The following PTCHD4 variants were observed in gnomAD, a reference collection of about 807,000 sequenced individuals.
The protein encoded by PTCHD4 is patched domain containing 4, also known as patched domain-containing protein 4.
In PTCHD4, 33 loss-of-function variants were observed where a neutral mutation model predicts 58.1. The observed-to-expected ratio is 0.57, with a 90% CI of 0.43 to 0.76. PTCHD4 has a LOEUF of 0.76. Among genes scored for constraint, PTCHD4 ranks in the 30% least tolerant of loss-of-function variants. The pLI is 0.00. For missense variants in PTCHD4, 1,058 were observed against 1,027.1 expected (o/e 1.03, Z -0.41); for synonymous variants, 478 against 409.6 (o/e 1.17, Z -2.02).
At chr6:48,071,799 T>C (rs1466972286) in intron 1 of PTCHD4, among the ~76,000 whole-genome samples, 1 of 152,214 alleles carries the variant, frequency 6.6e-6, no homozygotes, top group Non-Finnish European at 1.5e-5. Flanking sequence ...CCCTTTAGGC[T>C]ATGACAGTTT....
intron 4 of PTCHD4, among the ~76,000 whole-genome samples, chr6:47,973,459 T>C (rs1007068763): frequency 2.0e-5 from 3 of 152,194 alleles, no homozygotes; most frequent in Non-Finnish European, 4.4e-5. Context: ...GCTGGAGATA[T>C]AATCAAGGCA....
rs1374710777 is a variant in PTCHD4 at position 47,864,114 on chromosome 6, G to C, written c.*14189C>G. Among the ~76,000 whole-genome samples the C allele has an allele frequency of 6.6e-6, 1 of 151,870 alleles. No individual in the cohort carries two copies. Among genetic ancestry groups the C allele is most frequent in the Non-Finnish European group, 1.5e-5 (1 of 67,892 alleles). On this transcript the variant is annotated 3_prime_UTR_variant, in exon 5 of 5. Transcript: ENST00000339488. ...TTCAAAGTCCAAGTGTGGTTCCTCA[G>C]ACTAGTAGCATTAGCATCACCTGAA...
chr6:48,093,753 G>C (rs1003834485), intron 1 of PTCHD4, among the ~76,000 whole-genome samples: 8 of 152,052 alleles, frequency 5.3e-5, no homozygotes, highest in Middle Eastern at 3.4e-3. Context: ...AAAAAATGGC[G>C]AGGAAAAGAA....
At chr6:48,043,010 A>C (rs1252432827) in intron 3 of PTCHD4, among the ~76,000 whole-genome samples, 1 of 151,846 alleles carries the variant, frequency 6.6e-6, no homozygotes, top group Admixed American at 6.6e-5. Context: ...ATCAAACGTA[A>C]TCTGTTGGAT....
chr6:48,068,598 GC>G lies in PTCHD4; in HGVS notation c.48del (p.Arg17GlyfsTer19). ...APASWIWWRM[L>X]RQVLRRGLQS... ...TGGAGCCCTCTGCGAAGCACCTGCC[GC>G]AGCATCCTCCACCAGATCCAGCTCG... is the stretch of plus-strand genomic sequence containing the variant. On this transcript the variant is annotated frameshift_variant, in exon 3 of 5. Transcript: ENST00000339488. LOFTEE classifies it high-confidence loss of function. This position sits in a 1 kb window ranked among gnomAD's most constrained non-coding sequence, Gnocchi z 4.2. 6.3e-7 allele frequency: 1 copy of G among 1,577,656 alleles called. No individual in the cohort carries two copies. Among genetic ancestry groups the G allele is most frequent in the Non-Finnish European group, 8.6e-7 (1 of 1,166,060 alleles).
chr6:48,027,210 G>C (rs976711842), intron 3 of PTCHD4, among the ~76,000 whole-genome samples: 25 of 151,934 alleles, frequency 1.6e-4, no homozygotes, highest in African/African-American at 6.0e-4. Flanking sequence ...ATTCAAATTG[G>C]CTAAGAGATA....
chr6:47,898,311 T>C (rs1463939975), intron 4 of PTCHD4, among the ~76,000 whole-genome samples: 3 of 152,178 alleles, frequency 2.0e-5, no homozygotes, highest in Non-Finnish European at 4.4e-5. Flanking sequence ...CATAATCCTG[T>C]CTCTAAAATT....
At chr6:48,013,869 T>G (rs1201965570) in intron 3 of PTCHD4, among the ~76,000 whole-genome samples, 11 of 152,146 alleles carry the variant, frequency 7.2e-5, no homozygotes, top group Non-Finnish European at 1.5e-5. Context: ...ATTCATCTCT[T>G]GGGGCTCATT....
Position 48,008,958 on chromosome 6 carries a change from C to T in PTCHD4, c.574G>A (p.Glu192Lys). 6.2e-7 allele frequency: 1 copy of T among 1,613,980 alleles called. No homozygotes were observed. Among genetic ancestry groups the T allele is most frequent in the Non-Finnish European group, 8.5e-7 (1 of 1,179,882 alleles). The change falls in exon 4 of 5, where the codon GAG becomes AAG. Residue 192 changes from glutamate (E) to lysine (K), a missense_variant. Transcript: ENST00000339488. Reference protein sequence around the residue: ...ATQDLIGEKWENEFCKLIRKL... With the variant: ...ATQDLIGEKWKNEFCKLIRKL... ...CTTATAAGCTTACAGAACTCATTCT[C>T]CCACTTCTCCCCTATGAGGTCTTGG...
intron 3 of PTCHD4, among the ~76,000 whole-genome samples, chr6:48,051,037 A>G (rs1380385161): frequency 1.3e-5 from 2 of 152,018 alleles, no homozygotes; most frequent in East Asian, 3.9e-4. Flanking sequence ...GAGTCCTACA[A>G]TTTGTAGATG....
chr6:47,874,457 T>C lies in PTCHD4; in HGVS notation c.*3846A>G, dbSNP rs1763795028. 6.6e-6 allele frequency among the ~76,000 whole-genome samples: 1 copy of C among 151,774 alleles called. No individual in the cohort carries two copies. Among genetic ancestry groups the C allele is most frequent in the African/African-American group, 2.4e-5 (1 of 41,394 alleles). On this transcript the variant is annotated 3_prime_UTR_variant, in exon 5 of 5. Coordinates refer to ENST00000339488, the MANE Select transcript of PTCHD4 (RefSeq NM_001384253.1). ...ATTTGGTCATAAAAATATGTGACTGTAATTATGATATTTACAGTCAACTTA... is the reference window on the plus strand; with the variant it reads ...ATTTGGTCATAAAAATATGTGACTGCAATTATGATATTTACAGTCAACTTA...
At chr6:47,992,465 G>A (rs183611148) in intron 4 of PTCHD4, among the ~76,000 whole-genome samples, 37 of 152,280 alleles carry the variant, frequency 2.4e-4, no homozygotes, top group Admixed American at 2.3e-3. Context: ...GAGGTTTCTG[G>A]AATGCTGGTA....
chr6:48,032,050 T>G (rs1044677706), intron 3 of PTCHD4, among the ~76,000 whole-genome samples: 1 of 126,886 alleles, frequency 7.9e-6, no homozygotes, highest in Admixed American at 8.6e-5. Context: ...GTCCTTGACA[T>G]GGCTATTCTC....
intron 4 of PTCHD4, among the ~76,000 whole-genome samples, chr6:47,999,126 A>T (rs1277114658): frequency 2.0e-5 from 3 of 152,164 alleles, no homozygotes; most frequent in Non-Finnish European, 4.4e-5. Context: ...TAAATGATTC[A>T]CTCATTAAAG....
chr6:47,968,329 A>G (rs986207525), intron 4 of PTCHD4, among the ~76,000 whole-genome samples: 5 of 152,220 alleles, frequency 3.3e-5, no homozygotes, highest in Admixed American at 6.5e-5. Context: ...AACAATTACA[A>G]TAGTAACATC....
chr6:47,971,907 T>C (rs774884437), intron 4 of PTCHD4, among the ~76,000 whole-genome samples: 9 of 152,188 alleles, frequency 5.9e-5, no homozygotes, highest in Non-Finnish European at 1.2e-4. Flanking sequence ...GAAATGGATT[T>C]AACCAATTAC....
intron 1 of PTCHD4, among the ~76,000 whole-genome samples, chr6:48,105,157 C>A (rs1765692071): frequency 6.6e-6 from 1 of 152,198 alleles, no homozygotes; most frequent in Non-Finnish European, 1.5e-5. Flanking sequence ...ACATTCTTTT[C>A]AGCACCACAC....
At chr6:47,989,267 A>G (rs569465372) in intron 4 of PTCHD4, among the ~76,000 whole-genome samples, 18 of 152,362 alleles carry the variant, frequency 1.2e-4, no homozygotes, top group African/African-American at 4.3e-4. Context: ...ATTCAGTTTT[A>G]TAAGGGAAGC....
rs574494144 is a variant in PTCHD4, at chr6:48,012,996, A to G, written c.418-3882T>C. Among the ~76,000 whole-genome samples the G allele has an allele frequency of 2.6e-5, 4 of 152,140 alleles. No individual in the cohort carries two copies. In the South Asian group the frequency reaches 8.3e-4, roughly 32 times the overall value. On this transcript the variant is annotated intron_variant, in intron 3 of 4. Transcript: ENST00000339488. ...TTGGCAGTATTTTATTGAGGATTTTAGCATTGATGTTCATCAGGGATATTG... is the reference window on the plus strand; with the variant it reads ...TTGGCAGTATTTTATTGAGGATTTTGGCATTGATGTTCATCAGGGATATTG...
Sources: gnomAD v4.1 joint callset for allele counts (sites outside exome capture counted in the v4.1 genomes callset) on GRCh38, gnomAD v4.1.1 for gene constraint, Gnocchi (gnomAD v3.1) non-coding constraint, MANE v1.5 for transcripts, NCBI Gene and HGNC (gene_info 2026-07-23, HGNC 2026-07-21) for gene names.